Variants in FOXO1 observed in about 807,000 individuals in gnomAD.
FOXO1 encodes the protein forkhead box protein O1.
Under a neutral mutation model 44.1 loss-of-function variants are expected in FOXO1, and 6 were observed. The observed-to-expected ratio is 0.14, with a 90% CI of 0.07 to 0.27. The LOEUF is 0.27. FOXO1 is among the 10% of genes least tolerant of loss of function. FOXO1 has a pLI of 1.00. For missense variants in FOXO1, 737 were observed against 888.8 expected (o/e 0.83, Z 2.17); for synonymous variants, 380 against 362.7 (o/e 1.05, Z -0.54).
intron 1 of FOXO1, among the ~76,000 whole-genome samples, chr13:40,638,722 T>C (rs565651511): frequency 6.6e-6 from 1 of 152,112 alleles, no homozygotes; most frequent in Admixed American, 6.5e-5. Flanking sequence ...AAGGTGGCAA[T>C]GGTCCTAGGA....
intron 1 of FOXO1, among the ~76,000 whole-genome samples, chr13:40,589,678 C>T (rs943053802): frequency 6.6e-6 from 1 of 152,200 alleles, no homozygotes; most frequent in Non-Finnish European, 1.5e-5. Context: ...ATCCTTTGAG[C>T]TTATTGTTTC....
chr13:40,576,137 T>C (rs560019864), intron 1 of FOXO1, among the ~76,000 whole-genome samples: 1 of 152,284 alleles, frequency 6.6e-6, no homozygotes, highest in East Asian at 1.9e-4. Flanking sequence ...CTATTAGTGT[T>C]TGTGAGGAAA....
chr13:40,591,917 G>A (rs1255956438), intron 1 of FOXO1, among the ~76,000 whole-genome samples: 2 of 152,076 alleles, frequency 1.3e-5, no homozygotes, highest in African/African-American at 2.4e-5. Context: ...ATGTTGGTCA[G>A]GCTGGTCTCG....
intron 1 of FOXO1, among the ~76,000 whole-genome samples, chr13:40,572,115 C>T (rs750072278): frequency 2.6e-5 from 4 of 152,130 alleles, no homozygotes; most frequent in Non-Finnish European, 4.4e-5. Context: ...TTACAGAAGC[C>T]AGTGAAAAAC....
At chr13:40,619,736 C>T in intron 1 of FOXO1, 3 of 936,960 alleles carry the variant, frequency 3.2e-6, no homozygotes, top group Admixed American at 3.4e-5. Context: ...TCTTTCTCAA[C>T]AGTAGGAAGA....
chr13:40,650,284 T>C (rs2061007858), intron 1 of FOXO1, among the ~76,000 whole-genome samples: 2 of 152,192 alleles, frequency 1.3e-5, no homozygotes, highest in Admixed American at 1.3e-4. Flanking sequence ...TTAGCTGGCT[T>C]CTTTACTGCA....
chr13:40,659,591 C>CGTAGTATTTT, intron 1 of FOXO1, among the ~76,000 whole-genome samples: 1 of 151,824 alleles, frequency 6.6e-6, no homozygotes, highest in East Asian at 1.9e-4. Flanking sequence ...GCAGATTTAC[C>CGTAGTATTTT]TTTTTAGTAG....
At chr13:40,613,637 TC>T (rs1435056007) in intron 1 of FOXO1, among the ~76,000 whole-genome samples, 1 of 152,146 alleles carries the variant, frequency 6.6e-6, no homozygotes, top group African/African-American at 2.4e-5. Flanking sequence ...AATTTGAATT[TC>T]CTGACTCTCA....
In FOXO1 at chr13:40,650,858, A is replaced by G. The variant is rs192103090; in HGVS notation, c.630+14725T>C. On this transcript the variant is annotated intron_variant, in intron 1 of 2. Transcript: ENST00000379561. ...CAACCTCTGCCTCCTGGATTCAAGCAATTGTCCTGCCTCAGCCTCCCGAGT... is the reference window on the plus strand; with the variant it reads ...CAACCTCTGCCTCCTGGATTCAAGCGATTGTCCTGCCTCAGCCTCCCGAGT... 2.6e-3 allele frequency among the ~76,000 whole-genome samples: 396 copies of G among 152,124 alleles called. 2 individuals carry two copies. Among genetic ancestry groups the G allele is most frequent in the African/African-American group, 9.1e-3 (379 of 41,492 alleles).
chr13:40,663,756 T>C (rs555986393), intron 1 of FOXO1, among the ~76,000 whole-genome samples: 6 of 152,356 alleles, frequency 3.9e-5, no homozygotes, highest in Admixed American at 2.0e-4. Flanking sequence ...CGATAAGTGA[T>C]ACCTTTACTC....
At chr13:40,580,888 G>A (rs941897747) in intron 1 of FOXO1, among the ~76,000 whole-genome samples, 3 of 152,166 alleles carry the variant, frequency 2.0e-5, no homozygotes, top group Non-Finnish European at 4.4e-5. Context: ...CAAAGACCCT[G>A]AAGAACAAGG....
At chr13:40,578,464 C>CCA (rs1215431472) in intron 1 of FOXO1, among the ~76,000 whole-genome samples, 1 of 152,158 alleles carries the variant, frequency 6.6e-6, no homozygotes, top group Non-Finnish European at 1.5e-5. Flanking sequence ...CCATCCCACT[C>CCA]CACCTTCGGG....
chr13:40,557,179 TG>T lies in FOXO1; in HGVS notation c.*1869del, dbSNP rs1036376237. ...CATACAAGACAAAGCAAGTGTGATG[TG>T]GGCTATATACAGAAAAATTAGATCC... On this transcript the variant is annotated 3_prime_UTR_variant, in exon 3 of 3. Coordinates refer to ENST00000379561, the MANE Select transcript of FOXO1 (RefSeq NM_002015.4). 4 of 152,192 alleles carry T rather than the reference TG, an allele frequency of 2.6e-5. No homozygotes were observed. Among genetic ancestry groups the T allele is most frequent in the Non-Finnish European group, 4.4e-5 (3 of 68,020 alleles). The allele number at this position is 152,192 out of a possible 1,614,324, so 9.4% of individuals were successfully genotyped here.
intron 1 of FOXO1, among the ~76,000 whole-genome samples, chr13:40,656,484 G>A (rs933816640): frequency 1.3e-5 from 2 of 152,162 alleles, no homozygotes; most frequent in Non-Finnish European, 2.9e-5. Flanking sequence ...TTAAAGAACA[G>A]ATCAAGCAAA....
chr13:40,626,377 A>G (rs1237595532), intron 1 of FOXO1, among the ~76,000 whole-genome samples: 1 of 152,258 alleles, frequency 6.6e-6, no homozygotes, highest in African/African-American at 2.4e-5. Context: ...ACAGTTTACA[A>G]CACTGAAAGC....
chr13:40,639,582 GAC>G (rs1877281691), intron 1 of FOXO1, among the ~76,000 whole-genome samples: 1 of 152,174 alleles, frequency 6.6e-6, no homozygotes, highest in African/African-American at 2.4e-5. Context: ...CAGCACTACT[GAC>G]ACACATAGTG....
chr13:40,580,306 TGC>T (rs1874909107), intron 1 of FOXO1, among the ~76,000 whole-genome samples: 2 of 152,174 alleles, frequency 1.3e-5, no homozygotes, highest in Non-Finnish European at 2.9e-5. Context: ...GCAAACTATA[TGC>T]TAACATTTTT....
intron 1 of FOXO1, among the ~76,000 whole-genome samples, chr13:40,568,834 C>A (rs1028320672): frequency 8.6e-5 from 13 of 150,806 alleles, no homozygotes; most frequent in African/African-American, 2.9e-4. Flanking sequence ...CTGGTAAAAC[C>A]GGAAGGTACT....
At position 40,629,837 on chromosome 13, in the gene FOXO1, G is replaced by A. The variant is rs541429120; in HGVS notation, c.630+35746C>T. 2.0e-5 allele frequency among the ~76,000 whole-genome samples: 3 copies of A among 152,266 alleles called. 1 individual carries two copies. The highest frequency in any genetic ancestry group is 6.8e-3 in the Middle Eastern group (2 of 294). ...GATCACAGATTCAAAGTCTCCTTGT[G>A]GGGCACTGTGTTCTGTAAGAGGAAG... On this transcript the variant is annotated intron_variant, in intron 1 of 2. Transcript: ENST00000379561.
Sources: gnomAD v4.1 joint callset for allele counts (sites outside exome capture counted in the v4.1 genomes callset) on GRCh38, gnomAD v4.1.1 for gene constraint, MANE v1.5 for transcripts, NCBI Gene and HGNC (gene_info 2026-07-23, HGNC 2026-07-21) for gene names.